STK39: variants seen among roughly 807,000 people sequenced by gnomAD.
The protein encoded by STK39 is serine/threonine kinase 39.
STK39 carries 20 observed loss-of-function variants against 77.8 expected under a neutral mutation model. That is an observed-to-expected ratio of 0.26 (90% CI 0.18 to 0.37). The LOEUF (loss-of-function observed/expected upper bound fraction) is 0.37, where lower values mean the gene tolerates loss of function less well. Among genes scored for constraint, STK39 ranks in the 10% least tolerant of loss-of-function variants. The probability of loss-of-function intolerance (pLI) is 1.00; values close to 1 mark genes in which losing one functional copy is unlikely to be tolerated. For missense variants in STK39, 479 were observed against 656.5 expected (o/e 0.73, Z 2.95); for synonymous variants, 246 against 234.1 (o/e 1.05, Z -0.47).
At chr2:168,074,234 C>A (rs1686016171) in intron 12 of STK39, among the ~76,000 whole-genome samples, 1 of 152,148 alleles carries the variant, frequency 6.6e-6, no homozygotes, top group African/African-American at 2.4e-5. Flanking sequence ...GGATGGATAT[C>A]ATTTGTAGTC....
intron 17 of STK39, among the ~76,000 whole-genome samples, chr2:167,956,700 T>TCTCA (rs1691785354): frequency 2.7e-5 from 2 of 73,344 alleles, no homozygotes; most frequent in Admixed American, 1.4e-4. Flanking sequence ...ACACACACTC[T>TCTCA]CTCTCTCTCT....
At chr2:168,023,806 C>T (rs949977998) in intron 14 of STK39, among the ~76,000 whole-genome samples, 1 of 152,246 alleles carries the variant, frequency 6.6e-6, no homozygotes, top group South Asian at 2.1e-4. Flanking sequence ...ACTATTTCCC[C>T]GAGCTTTGAG....
At chr2:168,001,572 A>C (rs182543451) in intron 16 of STK39, among the ~76,000 whole-genome samples, 2 of 152,308 alleles carry the variant, frequency 1.3e-5, no homozygotes, top group Admixed American at 1.3e-4. Context: ...TTAAGATTAT[A>C]ATTAGATATG....
chr2:168,057,802 C>G (rs1685565575), intron 14 of STK39, among the ~76,000 whole-genome samples: 1 of 152,146 alleles, frequency 6.6e-6, no homozygotes, highest in Non-Finnish European at 1.5e-5. Context: ...AGGCAAGGTA[C>G]AGTCTCCTTG....
At chr2:168,129,993 G>T (rs1309095526) in intron 8 of STK39, among the ~76,000 whole-genome samples, 5 of 152,166 alleles carry the variant, frequency 3.3e-5, no homozygotes, top group Admixed American at 3.3e-4. Context: ...TGCTTGGGGC[G>T]TAATCAATTT....
chr2:167,964,777 G>A, intron 16 of STK39, 51 bp from the exon 17 acceptor site: 1 of 1,491,234 alleles, frequency 6.7e-7, no homozygotes, highest in Non-Finnish European at 9.2e-7. Flanking sequence ...TCCAATAACA[G>A]TGGATTTTCA....
chr2:168,023,831 C>G lies in STK39; in HGVS notation c.1377-6736G>C, dbSNP rs547179836. 6.6e-5 allele frequency among the ~76,000 whole-genome samples: 10 copies of G among 152,266 alleles called. No homozygotes were observed. The South Asian group carries it at 2.1e-3, about 32-fold the overall frequency. ...CGAGCTTTGAGGTTGGCAACACCAC[C>G]AAGGGTCTCTGTAAGAGTGCCAGGG... On this transcript the variant is annotated intron_variant, in intron 14 of 17. Transcript: ENST00000355999.
chr2:167,958,658 T>C (rs1364366249), intron 17 of STK39, among the ~76,000 whole-genome samples: 1 of 152,212 alleles, frequency 6.6e-6, no homozygotes, highest in Non-Finnish European at 1.5e-5. Flanking sequence ...CAAATATATA[T>C]GAAAGAGGGA....
chr2:168,190,879 C>A (rs1004092987), intron 1 of STK39, among the ~76,000 whole-genome samples: 1 of 152,164 alleles, frequency 6.6e-6, no homozygotes, highest in Non-Finnish European at 1.5e-5. Context: ...CTCCTCCCAG[C>A]AAAACCCACT....
rs1202124836 is a variant in STK39 at position 168,167,226 on chromosome 2, C to A, written c.430+73G>T. On this transcript the variant is annotated intron_variant, in intron 3 of 17. Transcript: ENST00000355999. ...GGAGAGAAAGGATTCAATCTAAAGT[C>A]TTCTCCAATATGCTGGTTCCAACAA... 9 of 1,267,696 alleles carry A rather than the reference C, an allele frequency of 7.1e-6. No homozygotes were observed. The East Asian group carries it at 1.2e-4, about 17-fold the overall frequency. 78.5% of individuals were successfully genotyped at this position (1,267,696 alleles called of 1,614,324 possible). A position where few individuals can be genotyped will look rare whatever the true frequency, so the allele number is the denominator to read the frequency against.
intron 5 of STK39, among the ~76,000 whole-genome samples, chr2:168,157,053 C>T (rs1688447656): frequency 6.6e-6 from 1 of 152,240 alleles, no homozygotes; most frequent in Non-Finnish European, 1.5e-5. Context: ...CCTTGCCCAT[C>T]TTCCTCTAGC....
chr2:168,028,815 C>G (rs114792282), intron 14 of STK39, among the ~76,000 whole-genome samples: 1 of 152,142 alleles, frequency 6.6e-6, no homozygotes, highest in Non-Finnish European at 1.5e-5. Flanking sequence ...CAAACCAACA[C>G]GCTAAGTACT....
intron 16 of STK39, among the ~76,000 whole-genome samples, chr2:167,974,505 T>A (rs1158701659): frequency 2.6e-5 from 4 of 152,202 alleles, no homozygotes; most frequent in Non-Finnish European, 5.9e-5. Flanking sequence ...CTTCTTCAGG[T>A]TATATTTTAG....
chr2:168,177,659 G>A (rs10177198), intron 2 of STK39, among the ~76,000 whole-genome samples: 15,607 of 152,084 alleles, frequency 0.1, 1,566 homozygotes, highest in East Asian at 0.31. Flanking sequence ...GCACTCATGC[G>A]ATGGATTTTA....
intron 8 of STK39, among the ~76,000 whole-genome samples, chr2:168,132,215 T>G (rs1687715488): frequency 6.6e-6 from 1 of 152,156 alleles, no homozygotes. Context: ...TTTTTTAATG[T>G]GAAAAGAACC....
intron 10 of STK39, among the ~76,000 whole-genome samples, chr2:168,093,958 C>T (rs1319361152): frequency 6.6e-6 from 1 of 152,226 alleles, no homozygotes; most frequent in Non-Finnish European, 1.5e-5. Flanking sequence ...CTCTCCAACA[C>T]ATTTGCAAGT....
chr2:168,068,791 CTG>C (rs1685863234), intron 12 of STK39, among the ~76,000 whole-genome samples: 1 of 152,116 alleles, frequency 6.6e-6, no homozygotes, highest in African/African-American at 2.4e-5. Flanking sequence ...TTAAAGCAGT[CTG>C]TGATGGCTAA....
At chr2:168,124,157 A>G (rs922312690) in intron 10 of STK39, among the ~76,000 whole-genome samples, 28 of 152,196 alleles carry the variant, frequency 1.8e-4, no homozygotes, top group East Asian at 9.6e-4. Flanking sequence ...ATGACTAAAC[A>G]TTGTACTGTT....
intron 16 of STK39, among the ~76,000 whole-genome samples, chr2:167,969,882 T>C (rs1289314499): frequency 6.6e-6 from 1 of 152,190 alleles, no homozygotes; most frequent in East Asian, 1.9e-4. Context: ...AGTAAAGCCA[T>C]GGTCTCTACA....
Sources: allele counts gnomAD v4.1 joint callset (sites outside exome capture counted in the v4.1 genomes callset), GRCh38; gene constraint gnomAD v4.1.1; transcripts MANE v1.5; gene names NCBI Gene and HGNC (gene_info 2026-07-23, HGNC 2026-07-21).